CDH8: variants seen among roughly 807,000 people sequenced by gnomAD.
CDH8 encodes cadherin 8.
Under a neutral mutation model 68.1 loss-of-function variants are expected in CDH8, and 17 were observed. That is an observed-to-expected ratio of 0.25 (90% CI 0.17 to 0.37). The LOEUF (loss-of-function observed/expected upper bound fraction) is 0.37, where lower values mean the gene tolerates loss of function less well. CDH8 is among the 10% of genes least tolerant of loss of function. CDH8 has a pLI of 1.00. For synonymous variants in CDH8, 372 were observed against 365.1 expected, an observed-to-expected ratio of 1.02 and a Z score of -0.21; for missense variants, 763 against 999.3, an observed-to-expected ratio of 0.76 and a Z score of 3.19.
intron 7 of CDH8, among the ~76,000 whole-genome samples, chr16:61,800,871 G>A (rs1961608168): frequency 6.6e-6 from 1 of 152,106 alleles, no homozygotes; most frequent in Admixed American, 6.6e-5. Flanking sequence ...CCAGAATGTA[G>A]AAATATAAGG....
Position 61,821,010 on chromosome 16 carries a change from A to G in CDH8, c.939T>C (p.Tyr313=), listed in dbSNP as rs1299459250. The G allele has an allele frequency of 9.3e-6, 15 of 1,612,878 alleles. No homozygotes were observed. The highest frequency in any genetic ancestry group is 1.1e-5 in the Non-Finnish European group (13 of 1,179,154). Residue 313 remains tyrosine (Y), a synonymous_variant, in exon 6 of 12, where the codon TAT becomes TAC. Transcript: ENST00000577390. The part of the protein sequence containing the change: ...QDIGENAQSS[Y]DIIDGDGTAL... ...CTGTTCCATCTCCATCGATGATATC[A>G]TATGATGACTGTGCATTTTCACCAA...
intron 2 of CDH8, among the ~76,000 whole-genome samples, chr16:62,001,911 G>T (rs1426078095): frequency 2.6e-5 from 4 of 152,032 alleles, no homozygotes; most frequent in Non-Finnish European, 4.4e-5. Flanking sequence ...TGATGCTGTG[G>T]TTGCCAAGAA....
intron 4 of CDH8, among the ~76,000 whole-genome samples, chr16:61,856,382 C>G (rs1042473334): frequency 1.5e-4 from 23 of 152,082 alleles, no homozygotes; most frequent in Non-Finnish European, 3.2e-4. Context: ...TGTTTGATCT[C>G]TTAATATACT....
chr16:61,760,356 A>G (rs1960431720), intron 8 of CDH8, among the ~76,000 whole-genome samples: 7 of 151,442 alleles, frequency 4.6e-5, no homozygotes, highest in Admixed American at 4.6e-4. Context: ...CAGTCGCCCA[A>G]GCTGGAGTGC....
chr16:61,920,964 T>G (rs1045038765), intron 2 of CDH8, among the ~76,000 whole-genome samples: 2 of 147,442 alleles, frequency 1.4e-5, no homozygotes, highest in Non-Finnish European at 3.0e-5. Context: ...GGGACATGGA[T>G]GAAATTGGAA....
intron 3 of CDH8, among the ~76,000 whole-genome samples, chr16:61,881,949 C>A (rs1429399970): frequency 1.3e-5 from 2 of 152,182 alleles, no homozygotes; most frequent in African/African-American, 2.4e-5. Flanking sequence ...GCATTTCCCC[C>A]TTTAAATTGG....
intron 1 of CDH8, among the ~76,000 whole-genome samples, chr16:62,033,863 T>C (rs1432748748): frequency 5.5e-5 from 6 of 109,762 alleles, no homozygotes; most frequent in African/African-American, 2.8e-4. Context: ...TTCTTCAGAG[T>C]CCAGAAAAAA....
intron 7 of CDH8, among the ~76,000 whole-genome samples, chr16:61,808,345 A>C (rs1961851639): frequency 6.6e-6 from 1 of 152,172 alleles, no homozygotes. Flanking sequence ...GAAAATGAGC[A>C]GGTAAAAAAA....
intron 1 of CDH8, among the ~76,000 whole-genome samples, chr16:62,023,439 G>A (rs1288216166): frequency 6.6e-6 from 1 of 152,046 alleles, no homozygotes; most frequent in Non-Finnish European, 1.5e-5. Flanking sequence ...CTGCAAAGTG[G>A]CATTAATAAT....
intron 4 of CDH8, among the ~76,000 whole-genome samples, chr16:61,836,100 T>C (rs1962562381): frequency 6.6e-6 from 1 of 151,982 alleles, no homozygotes; most frequent in Non-Finnish European, 1.5e-5. Flanking sequence ...CCAATGTTAA[T>C]GTGGTCCTAA....
intron 4 of CDH8, among the ~76,000 whole-genome samples, chr16:61,835,244 T>C (rs1458967425): frequency 1.3e-5 from 2 of 151,916 alleles, no homozygotes; most frequent in Admixed American, 1.3e-4. Flanking sequence ...CATTCCACTA[T>C]CTCAATGTGT....
intron 4 of CDH8, among the ~76,000 whole-genome samples, chr16:61,851,420 A>T (rs1478691230): frequency 6.6e-6 from 1 of 152,102 alleles, no homozygotes; most frequent in Non-Finnish European, 1.5e-5. Context: ...TGCCTGGAGC[A>T]AAGTTTAGGC....
Position 61,791,572 on chromosome 16 carries a change from T to G in CDH8, c.1278-2090A>C, listed in dbSNP as rs555022779. On this transcript the variant is annotated intron_variant, in intron 7 of 11. Coordinates refer to ENST00000577390, the MANE Select transcript of CDH8 (RefSeq NM_001796.5). ...TCTAGTAATTTTATTATCTCACTGC[T>G]GATATTTCACACATCCATGCGTCAA... Among the ~76,000 whole-genome samples the G allele has an allele frequency of 5.9e-5, 9 of 152,138 alleles. No individual in the cohort carries two copies. In the South Asian group the frequency reaches 1.9e-3, roughly 31 times the overall value.
intron 2 of CDH8, among the ~76,000 whole-genome samples, chr16:61,929,309 T>A (rs1456259936): frequency 2.0e-5 from 3 of 152,168 alleles, no homozygotes; most frequent in Non-Finnish European, 4.4e-5. Context: ...ATGGATGAAA[T>A]TACATATCTA....
At chr16:61,952,409 T>TG (rs1286940047) in intron 2 of CDH8, among the ~76,000 whole-genome samples, 1 of 152,172 alleles carries the variant, frequency 6.6e-6, no homozygotes, top group Non-Finnish European at 1.5e-5. Flanking sequence ...AGATAGGTAT[T>TG]GGGCATCATG....
chr16:61,993,135 A>G (rs992535574), intron 2 of CDH8, among the ~76,000 whole-genome samples: 6 of 152,062 alleles, frequency 3.9e-5, no homozygotes, highest in African/African-American at 1.4e-4. Context: ...CTCAAAGAAA[A>G]TTTTTCTATG....
chr16:62,023,856 T>C (rs980172602), intron 1 of CDH8, among the ~76,000 whole-genome samples: 1 of 152,156 alleles, frequency 6.6e-6, no homozygotes, highest in South Asian at 2.1e-4. Flanking sequence ...TGATAGACCA[T>C]ACTTGAATGT....
intron 2 of CDH8, among the ~76,000 whole-genome samples, chr16:61,972,502 A>G (rs1965355450): frequency 6.6e-6 from 1 of 151,910 alleles, no homozygotes; most frequent in African/African-American, 2.4e-5. Flanking sequence ...CTGTGTAGCT[A>G]GAATGCATGT....
chr16:61,902,256 T>C (rs1347285644), intron 2 of CDH8, among the ~76,000 whole-genome samples: 1 of 152,026 alleles, frequency 6.6e-6, no homozygotes, highest in African/African-American at 2.4e-5. Flanking sequence ...GTCATAGCAA[T>C]GAATATTTAC....
Sources: gnomAD v4.1 joint callset for allele counts (sites outside exome capture counted in the v4.1 genomes callset) on GRCh38, gnomAD v4.1.1 for gene constraint, MANE v1.5 for transcripts, NCBI Gene and HGNC (gene_info 2026-07-23, HGNC 2026-07-21) for gene names.